Variants in COL24A1 observed in about 807,000 individuals in gnomAD.
COL24A1 encodes the protein collagen type XXIV alpha 1 chain.
A neutral mutation model predicts 253.9 loss-of-function variants in COL24A1; 224 were observed. That is an observed-to-expected ratio of 0.88 (90% CI 0.79 to 0.99). The LOEUF (loss-of-function observed/expected upper bound fraction) is 0.99. Among genes scored for constraint, COL24A1 ranks in the 50% least tolerant of loss-of-function variants. The probability of loss-of-function intolerance (pLI) is 0.00; values close to 1 mark genes in which losing one functional copy is unlikely to be tolerated. For missense variants in COL24A1, 2,131 were observed against 2,068.5 expected, an observed-to-expected ratio of 1.03 and a Z score of -0.59; for synonymous variants, 685 against 673.7, an observed-to-expected ratio of 1.02 and a Z score of -0.26.
At chr1:85,961,475 A>G (rs1413398720) in intron 23 of COL24A1, among the ~76,000 whole-genome samples, 182 bp from the exon 24 acceptor site, 1 of 152,154 alleles carries the variant, frequency 6.6e-6, no homozygotes, top group East Asian at 1.9e-4. Context: ...ATGTTTACCT[A>G]TATAACAAAT....
At position 86,028,234 on chromosome 1, in the gene COL24A1, G is replaced by A. The variant is rs117585171; in HGVS notation, c.2049+3644C>T. 6.2e-3 allele frequency among the ~76,000 whole-genome samples: 948 copies of A among 152,246 alleles called. 7 individuals are homozygous for A. The highest frequency in any genetic ancestry group is 0.027 in the Middle Eastern group (8 of 294). Reference sequence around the variant, plus strand: ...TGAGCTAGAACTTTGGGGGACTGTCGGAAAGGCATGATTGTGTTTTGAAAT... The same window carrying A: ...TGAGCTAGAACTTTGGGGGACTGTCAGAAAGGCATGATTGTGTTTTGAAAT... On this transcript the variant is annotated intron_variant, in intron 14 of 59. Coordinates refer to ENST00000370571, the MANE Select transcript of COL24A1 (RefSeq NM_152890.7).
At chr1:85,873,039 C>A (rs1157955791) in intron 35 of COL24A1, among the ~76,000 whole-genome samples, 2 of 152,152 alleles carry the variant, frequency 1.3e-5, no homozygotes, top group Non-Finnish European at 2.9e-5. Context: ...TGAACAGACA[C>A]TTCTCAAAAG....
rs372445647 is a variant in COL24A1 at position 85,745,490 on chromosome 1, T to A, written c.4454A>T (p.Asn1485Ile). ...TTCAATCAAGGCTTGAATAGCAGCA[T>A]TGATATCCATTTGCTTCTGTGTAAA... ...APGPRKQMDI[N>I]AAIQALIESN... Residue 1485 changes from asparagine (N) to isoleucine (I), a missense_variant, in exon 56 of 60, where the codon AAT becomes ATT. Coordinates refer to ENST00000370571, the MANE Select transcript of COL24A1 (RefSeq NM_152890.7). 3.1e-6 allele frequency: 5 copies of A among 1,610,004 alleles called. No homozygotes were observed. Among genetic ancestry groups the A allele is most frequent in the Non-Finnish European group, 4.2e-6 (5 of 1,178,388 alleles).
intron 24 of COL24A1, among the ~76,000 whole-genome samples, chr1:85,951,368 C>T (rs1357220122): frequency 2.6e-5 from 4 of 152,102 alleles, no homozygotes; most frequent in African/African-American, 9.7e-5. Context: ...TTAGAAAAGA[C>T]TTCATGGTTG....
At chr1:86,129,553 C>T (rs1468521528) in intron 2 of COL24A1, among the ~76,000 whole-genome samples, 2 of 151,408 alleles carry the variant, frequency 1.3e-5, no homozygotes, top group African/African-American at 4.8e-5. Flanking sequence ...ATACATTTTC[C>T]TGAGTGCTGC....
chr1:85,868,834 C>G lies in COL24A1; in HGVS notation c.3140G>C (p.Gly1047Ala). ...VGGTGEPGLR[G>A]EPGAPGEEGL... Reference sequence around the variant, plus strand: ...TTCTTCTCCAGGAGCTCCTGGTTCACCCTATTTTGTAGCAGAAAGAGTATG... The same window carrying G: ...TTCTTCTCCAGGAGCTCCTGGTTCAGCCTATTTTGTAGCAGAAAGAGTATG... Residue 1047 changes from glycine to alanine, a missense_variant and splice_region_variant, in exon 36 of 60, where the codon GGT becomes GCT. Coordinates refer to ENST00000370571, the MANE Select transcript of COL24A1 (RefSeq NM_152890.7). 1 of 1,584,882 alleles carries G rather than the reference C, an allele frequency of 6.3e-7. No homozygotes were observed.
chr1:85,973,179 G>A (rs1032246037), intron 20 of COL24A1, among the ~76,000 whole-genome samples: 2 of 152,154 alleles, frequency 1.3e-5, no homozygotes, highest in African/African-American at 2.4e-5. Flanking sequence ...CTGTCAGCTA[G>A]TGTTTAATCA....
At chr1:85,987,510 T>C (rs1693826973) in intron 20 of COL24A1, 91 bp downstream of exon 20, 15 of 1,106,648 alleles carry the variant, frequency 1.4e-5, no homozygotes, top group Non-Finnish European at 2.0e-5. Flanking sequence ...AGAAATGTTC[T>C]GATATTCCTA....
intron 53 of COL24A1, among the ~76,000 whole-genome samples, chr1:85,765,883 C>G (rs1667318076): frequency 6.6e-6 from 1 of 152,142 alleles, no homozygotes; most frequent in Admixed American, 6.5e-5. Context: ...GCATTACTTA[C>G]TCTGAAATTT....
rs536250848 is a variant in COL24A1 at position 85,729,770 on chromosome 1, C to T, written c.*776G>A. 1 of 152,584 alleles carries T rather than the reference C, an allele frequency of 6.6e-6. No homozygotes were observed. The highest frequency in any genetic ancestry group is 2.4e-5 in the African/African-American group (1 of 41,518). 9.5% of individuals were successfully genotyped at this position (152,584 alleles called of 1,614,324 possible). On this transcript the variant is annotated 3_prime_UTR_variant, in exon 60 of 60. Coordinates refer to ENST00000370571, the MANE Select transcript of COL24A1 (RefSeq NM_152890.7). The stretch of plus-strand genomic sequence containing the variant: ...AAAAATAAAACAAAAACAAAGAAAT[C>T]TAATTCTTTTGCGTACAAGCACAGG...
In COL24A1 at chr1:85,838,603, A is replaced by G. The variant is rs368067260; in HGVS notation, c.3663T>C (p.Pro1221=). 6 of 1,613,912 alleles carry G rather than the reference A, an allele frequency of 3.7e-6. No individual in the cohort carries two copies. The highest frequency in any genetic ancestry group is 5.1e-6 in the Non-Finnish European group (6 of 1,179,798). ...PVGDQGERGE[P]GAEGYKGHVG... Reference sequence around the variant, plus strand: ...CAATTACCTTATATCCCTCTGCTCCAGGCTCTCCTCTCTCTCCTTGGTCCC... The same window carrying G: ...CAATTACCTTATATCCCTCTGCTCCGGGCTCTCCTCTCTCTCCTTGGTCCC... The change falls in exon 43 of 60, where the codon CCT becomes CCC. Residue 1221 remains proline, a synonymous_variant. Transcript: ENST00000370571.
chr1:85,891,765 G>C (rs1683154490), intron 31 of COL24A1, among the ~76,000 whole-genome samples: 1 of 152,176 alleles, frequency 6.6e-6, no homozygotes, highest in African/African-American at 2.4e-5. Flanking sequence ...TCTTTGTAAA[G>C]TATGTTTAGA....
chr1:85,991,564 T>G (rs1434224852), intron 19 of COL24A1, among the ~76,000 whole-genome samples: 1 of 152,192 alleles, frequency 6.6e-6, no homozygotes, highest in Non-Finnish European at 1.5e-5. Context: ...GTGATATACA[T>G]TTGTTTTGTA....
intron 24 of COL24A1, among the ~76,000 whole-genome samples, chr1:85,914,821 C>T (rs1685735457): frequency 6.6e-6 from 1 of 152,180 alleles, no homozygotes; most frequent in South Asian, 2.1e-4. Flanking sequence ...AAGGACTTTA[C>T]ATCCTCTTCT....
chr1:86,000,966 A>G (rs1695333562), intron 19 of COL24A1, among the ~76,000 whole-genome samples: 1 of 152,252 alleles, frequency 6.6e-6, no homozygotes, highest in Non-Finnish European at 1.5e-5. Context: ...TGATATGACT[A>G]TGCTTAAAGA....
intron 7 of COL24A1, among the ~76,000 whole-genome samples, chr1:86,079,562 G>C (rs752478077): frequency 6.6e-6 from 1 of 152,166 alleles, no homozygotes; most frequent in Non-Finnish European, 1.5e-5. Flanking sequence ...TATCTCATGA[G>C]AGATGAATAA....
intron 21 of COL24A1, among the ~76,000 whole-genome samples, chr1:85,971,011 G>A (rs189563288): frequency 3.9e-5 from 6 of 152,178 alleles, no homozygotes; most frequent in East Asian, 3.9e-4. Flanking sequence ...CCAGAAGTTC[G>A]GCCAGCCTGG....
chr1:85,936,569 T>C (rs1041543323), intron 24 of COL24A1, among the ~76,000 whole-genome samples: 2 of 146,534 alleles, frequency 1.4e-5, no homozygotes, highest in African/African-American at 2.5e-5. Flanking sequence ...TACGGAAAAG[T>C]TTATTAATTT....
rs549616253 is a variant in COL24A1, at chr1:85,992,354, T to C, written c.2311-4700A>G. 2.8e-4 allele frequency among the ~76,000 whole-genome samples: 42 copies of C among 152,258 alleles called. 1 individual carries two copies. Among genetic ancestry groups the C allele is most frequent in the African/African-American group, 1.0e-3 (42 of 41,540 alleles). ...CTATTTCCTTCCCACATAGGAGAGC[T>C]TAGAACCCTGGCCAAAGAAACTTTT... On this transcript the variant is annotated intron_variant, in intron 19 of 59. Transcript: ENST00000370571.
Sources: gnomAD v4.1 joint callset for allele counts (sites outside exome capture counted in the v4.1 genomes callset) on GRCh38, gnomAD v4.1.1 for gene constraint, MANE v1.5 for transcripts, NCBI Gene and HGNC (gene_info 2026-07-23, HGNC 2026-07-21) for gene names.